The following FARSB variants were observed in gnomAD, a reference collection of about 807,000 sequenced individuals.
FARSB encodes the protein phenylalanine--tRNA ligase beta subunit.
In FARSB, 40 loss-of-function variants were observed where a neutral mutation model predicts 69.6. That is an observed-to-expected ratio of 0.57 (90% confidence interval 0.45 to 0.75). FARSB has a LOEUF of 0.75. Ranked by LOEUF, FARSB falls within the 30% of genes least tolerant of loss-of-function variation. FARSB has a pLI of 0.00. For synonymous variants in FARSB, 235 were observed against 247.2 expected (o/e 0.95, Z 0.46); for missense variants, 632 against 722.9 (o/e 0.87, Z 1.44).
At chr2:222,655,631 TCTC>T (rs974009345) in intron 1 of FARSB, among the ~76,000 whole-genome samples, 2 of 152,102 alleles carry the variant, frequency 1.3e-5, no homozygotes, top group African/African-American at 4.8e-5. Flanking sequence ...TGCACAAATC[TCTC>T]CTCCTACCCC....
intron 1 of FARSB, among the ~76,000 whole-genome samples, chr2:222,653,613 T>A (rs1311610796): frequency 1.3e-5 from 2 of 151,474 alleles, no homozygotes; most frequent in Non-Finnish European, 2.9e-5. Flanking sequence ...ATAAATAACA[T>A]CAATCCTTCT....
intron 5 of FARSB, among the ~76,000 whole-genome samples, chr2:222,636,385 C>CAAAAAAAA (rs34295305): frequency 2.1e-5 from 2 of 96,692 alleles, no homozygotes; most frequent in Non-Finnish European, 2.1e-5. Flanking sequence ...GACTCTATCT[C>CAAAAAAAA]AAAAAAAAAA....
chr2:222,641,075 T>TAA (rs757997052), intron 3 of FARSB, 144 bp from the exon 4 acceptor site: 282 of 276,834 alleles, frequency 1.0e-3, no homozygotes, highest in Middle Eastern at 2.0e-3. Context: ...GGCTGAACAC[T>TAA]AAAAAAAAAA....
At chr2:222,643,226 G>A (rs995935805) in intron 2 of FARSB, among the ~76,000 whole-genome samples, 2 of 152,088 alleles carry the variant, frequency 1.3e-5, no homozygotes, top group Non-Finnish European at 2.9e-5. Flanking sequence ...CAGATATCTG[G>A]CAACCTCAAT....
intron 7 of FARSB, among the ~76,000 whole-genome samples, chr2:222,631,933 G>A (rs1691437212): frequency 6.6e-6 from 1 of 152,128 alleles, no homozygotes. Context: ...TTAGCCAGGC[G>A]TGGTGGCGCA....
chr2:222,641,487 G>C (rs964138337), intron 3 of FARSB, among the ~76,000 whole-genome samples: 5 of 152,242 alleles, frequency 3.3e-5, no homozygotes, highest in African/African-American at 1.2e-4. Flanking sequence ...ATTTCAATGT[G>C]CTTACAATCA....
chr2:222,647,325 C>A (rs1352934417), intron 2 of FARSB, among the ~76,000 whole-genome samples: 1 of 152,120 alleles, frequency 6.6e-6, no homozygotes, highest in Non-Finnish European at 1.5e-5. Context: ...TTCTACGGAG[C>A]CTGGAACAAA....
chr2:222,591,963 C>A (rs147646460), intron 16 of FARSB, among the ~76,000 whole-genome samples: 1 of 152,106 alleles, frequency 6.6e-6, no homozygotes, highest in African/African-American at 2.4e-5. Context: ...TGAGAATGAA[C>A]AATTTCACTA....
chr2:222,636,973 A>C (rs578198097), intron 5 of FARSB, among the ~76,000 whole-genome samples: 1 of 152,382 alleles, frequency 6.6e-6, no homozygotes, highest in South Asian at 2.1e-4. Context: ...TAAAGCTGCT[A>C]CTAAAAAATG....
At chr2:222,631,863 A>G (rs1431749084) in intron 7 of FARSB, among the ~76,000 whole-genome samples, 189 bp from the exon 8 acceptor site, 1 of 152,252 alleles carries the variant, frequency 6.6e-6, no homozygotes, top group Non-Finnish European at 1.5e-5. Flanking sequence ...ACCTGAGGTC[A>G]GGAGTTCAAG....
intron 2 of FARSB, among the ~76,000 whole-genome samples, chr2:222,646,609 GCTCT>G (rs901822946): frequency 1.4e-4 from 22 of 152,260 alleles, no homozygotes; most frequent in South Asian, 4.1e-4. Context: ...TCACATATAT[GCTCT>G]CTATCTTCTT....
chr2:222,633,202 T>G lies in FARSB; in HGVS notation c.712A>C (p.Asn238His), dbSNP rs1313968522. 1 of 1,407,684 alleles carries G rather than the reference T, an allele frequency of 7.1e-7. No homozygotes were observed. Among genetic ancestry groups the G allele is most frequent in the Admixed American group, 1.7e-5 (1 of 59,538 alleles). 87.2% of individuals were successfully genotyped at this position (1,407,684 alleles called of 1,614,324 possible). Residue 238 changes from asparagine to histidine, a missense_variant, in exon 7 of 17, where the codon AAT becomes CAT. Transcript: ENST00000281828. ...TGATGCTTATAAAATAACTCACCAT[T>G]GATGATGGGAGGCATTGAAAGGACG... ...GVVLSMPPII[N>H]GDHSRITVNT...
intron 7 of FARSB, among the ~76,000 whole-genome samples, chr2:222,632,099 C>T (rs1390092788): frequency 1.3e-5 from 2 of 149,652 alleles, no homozygotes; most frequent in African/African-American, 5.0e-5. Flanking sequence ...GCACTCCAGC[C>T]TGGGCAACAA....
intron 16 of FARSB, among the ~76,000 whole-genome samples, chr2:222,574,841 C>A (rs568619871): frequency 2.0e-5 from 3 of 152,152 alleles, no homozygotes; most frequent in South Asian, 2.1e-4. Flanking sequence ...TTAAGTGGTA[C>A]GCACATAAAA....
intron 16 of FARSB, among the ~76,000 whole-genome samples, chr2:222,574,338 T>G (rs1340487305): frequency 6.6e-6 from 1 of 152,190 alleles, no homozygotes; most frequent in Non-Finnish European, 1.5e-5. Context: ...AAAAAAGAAC[T>G]AAAATTCATA....
intron 6 of FARSB, among the ~76,000 whole-genome samples, chr2:222,633,682 C>CAAA (rs10596934): frequency 5.7e-5 from 5 of 88,200 alleles, no homozygotes; most frequent in South Asian, 7.9e-4. Flanking sequence ...AACTCCGTCT[C>CAAA]AAAAAAAAAA....
At chr2:222,637,254 A>C (rs1005158181) in intron 5 of FARSB, among the ~76,000 whole-genome samples, 1 of 152,170 alleles carries the variant, frequency 6.6e-6, no homozygotes, top group Admixed American at 6.5e-5. Context: ...GAGACACAGG[A>C]AACAAGTGAG....
In FARSB at chr2:222,593,231, T is replaced by G. The variant is rs551556960; in HGVS notation, c.1618+6697A>C. 2.1e-4 allele frequency among the ~76,000 whole-genome samples: 32 copies of G among 152,258 alleles called. 1 individual carries two copies. The South Asian group carries it at 6.0e-3, about 29-fold the overall frequency. ...GGGGTATGAAAAAAATCTTCCATAT[T>G]AAAATGGTTTGCATTGCTCCAAAGC... On this transcript the variant is annotated intron_variant, in intron 16 of 16. Transcript: ENST00000281828.
At chr2:222,608,222 C>T (rs1209363389) in intron 15 of FARSB, among the ~76,000 whole-genome samples, 1 of 152,026 alleles carries the variant, frequency 6.6e-6, no homozygotes, top group Non-Finnish European at 1.5e-5. Flanking sequence ...TAAATTAATC[C>T]AGACTGATGA....
Sources: gnomAD v4.1 joint callset for allele counts (sites outside exome capture counted in the v4.1 genomes callset) on GRCh38, gnomAD v4.1.1 for gene constraint, MANE v1.5 for transcripts, NCBI Gene and HGNC (gene_info 2026-07-23, HGNC 2026-07-21) for gene names.